Variants in PLA2G4C observed in about 807,000 individuals in gnomAD.
The protein encoded by PLA2G4C is cytosolic phospholipase A2 gamma.
Under a neutral mutation model 73.8 loss-of-function variants are expected in PLA2G4C, and 64 were observed. The observed-to-expected ratio is 0.87, with a 90% CI of 0.71 to 1.07. The LOEUF is 1.07. Ranked by LOEUF, PLA2G4C falls within the 50% of genes least tolerant of loss-of-function variation. PLA2G4C has a pLI of 0.00. For synonymous variants in PLA2G4C, 254 were observed against 252.1 expected (o/e 1.01, Z -0.07); for missense variants, 622 against 665.4 (o/e 0.93, Z 0.72).
chr19:48,052,387 T>C (rs1967760280), intron 16 of PLA2G4C: 1 of 152,230 alleles, frequency 6.6e-6, no homozygotes, highest in Non-Finnish European at 1.5e-5. Flanking sequence ...GGAGTTCTCA[T>C]GAAATCCGGT....
At chr19:48,081,372 G>T (rs1600211519) in intron 10 of PLA2G4C, among the ~76,000 whole-genome samples, 2 of 152,136 alleles carry the variant, frequency 1.3e-5, no homozygotes, top group Non-Finnish European at 2.9e-5. Context: ...CTTATAAGTG[G>T]GAGCTAAGCT....
At chr19:48,058,192 G>A (rs1968030752) in intron 14 of PLA2G4C, among the ~76,000 whole-genome samples, 1 of 152,090 alleles carries the variant, frequency 6.6e-6, no homozygotes. Flanking sequence ...CTAGCTACTT[G>A]TGAGGCTGAG....
At position 48,050,185 on chromosome 19, in the gene PLA2G4C, G is replaced by A. The variant is rs113156270; in HGVS notation, c.1581-1797C>T. On this transcript the variant is annotated intron_variant, in intron 16 of 16. Transcript: ENST00000599921. The stretch of plus-strand genomic sequence containing the variant: ...TCTGCCCACCTCGGCCTCCCAAAGT[G>A]CTGGGATTACAGGTGTGAACCACCA... Among the ~76,000 whole-genome samples, 243 of 152,260 alleles carry A rather than the reference G, an allele frequency of 1.6e-3. 1 individual carries two copies. The highest frequency in any genetic ancestry group is 5.3e-3 in the African/African-American group (222 of 41,542).
At chr19:48,097,917 C>T (rs544853147) in intron 6 of PLA2G4C, 1 of 435,912 alleles carries the variant, frequency 2.3e-6, no homozygotes, top group Admixed American at 4.3e-5. Flanking sequence ...CCATGTTGGC[C>T]TCTTAAAGGT....
At chr19:48,106,346 G>A (rs187223819) in intron 2 of PLA2G4C, among the ~76,000 whole-genome samples, 176 bp downstream of exon 2, 25 of 152,228 alleles carry the variant, frequency 1.6e-4, no homozygotes, top group African/African-American at 5.1e-4. Context: ...TCTTGCCTCG[G>A]CCACCAAAAG....
At chr19:48,094,028 T>C (rs2031446544) in intron 7 of PLA2G4C, among the ~76,000 whole-genome samples, 3 of 152,184 alleles carry the variant, frequency 2.0e-5, no homozygotes. Flanking sequence ...ACCTCCTTTG[T>C]CTACAAATTA....
chr19:48,069,940 T>C (rs1374277782), intron 12 of PLA2G4C, among the ~76,000 whole-genome samples: 2 of 152,070 alleles, frequency 1.3e-5, no homozygotes, highest in Non-Finnish European at 2.9e-5. Flanking sequence ...AAATATTTTT[T>C]TGTATTTGTA....
At chr19:48,050,673 C>CTTTTTTTGTTTTTTTTTTTTTTTTTTTT (rs1967691177) in intron 16 of PLA2G4C, among the ~76,000 whole-genome samples, 1 of 78,746 alleles carries the variant, frequency 1.3e-5, no homozygotes, top group African/African-American at 4.3e-5. Context: ...GAGTATGTGA[C>CTTTTTTTGTTTTTTTTTTTTTTTTTTTT]TTTTTTTTTT....
At chr19:48,084,139 A>G (rs1232882574) in intron 10 of PLA2G4C, among the ~76,000 whole-genome samples, 1 of 151,062 alleles carries the variant, frequency 6.6e-6, no homozygotes, top group African/African-American at 2.4e-5. Context: ...AGCTCACTGC[A>G]GCCTTTGCCT....
At chr19:48,088,962 T>C (rs1011855364) in intron 8 of PLA2G4C, among the ~76,000 whole-genome samples, 2 of 152,228 alleles carry the variant, frequency 1.3e-5, no homozygotes, top group Non-Finnish European at 2.9e-5. Flanking sequence ...TGGCAAACAC[T>C]ACATATCAGG....
chr19:48,068,444 A>G (rs1388689753), intron 12 of PLA2G4C, among the ~76,000 whole-genome samples: 1 of 151,996 alleles, frequency 6.6e-6, no homozygotes, highest in Non-Finnish European at 1.5e-5. Flanking sequence ...GGACTTAGGG[A>G]AGCCGAGGTG....
intron 12 of PLA2G4C, 124 bp downstream of exon 12, chr19:48,074,643 G>A (rs987130276): frequency 2.7e-6 from 2 of 728,698 alleles, no homozygotes; most frequent in African/African-American, 1.7e-5. Flanking sequence ...TATCCAAACT[G>A]TACCAGTGGG....
At chr19:48,067,144 T>C (rs2122511831) in intron 13 of PLA2G4C, among the ~76,000 whole-genome samples, 1 of 150,782 alleles carries the variant, frequency 6.6e-6, no homozygotes, top group East Asian at 1.9e-4. Context: ...GTCAGTCCCC[T>C]GAAGGGAAAA....
Position 48,074,869 on chromosome 19 carries a change from C to T in PLA2G4C, c.904G>A (p.Gly302Ser). The change falls in exon 12 of 17, where the codon GGC becomes AGC. Residue 302 changes from glycine (G) to serine (S), a missense_variant. Coordinates refer to ENST00000599921, the MANE Select transcript of PLA2G4C (RefSeq NM_003706.3). ...AGCCAGGTGTGTTCAGGCTCACCGCCTTCATCTACGTCAAGAAATCCAGGT... is the reference window on the plus strand; with the variant it reads ...AGCCAGGTGTGTTCAGGCTCACCGCTTTCATCTACGTCAAGAAATCCAGGT... ...QGEHPPPEDE[G>S]GEPEHTWLTE... 1.3e-6 allele frequency: 2 copies of T among 1,598,436 alleles called. No individual in the cohort carries two copies. Among genetic ancestry groups the T allele is most frequent in the African/African-American group, 2.7e-5 (2 of 74,616 alleles).
intron 10 of PLA2G4C, among the ~76,000 whole-genome samples, chr19:48,078,551 T>C (rs2122565711): frequency 6.6e-6 from 1 of 152,278 alleles, no homozygotes; most frequent in African/African-American, 2.4e-5. Flanking sequence ...ACACAAACAG[T>C]AGCACTGCTA....
At chr19:48,067,613 G>T (rs1235054584) in intron 13 of PLA2G4C, among the ~76,000 whole-genome samples, 178 bp downstream of exon 13, 2 of 152,098 alleles carry the variant, frequency 1.3e-5, no homozygotes, top group African/African-American at 4.8e-5. Context: ...TTTTCAGTAT[G>T]GACCACACCA....
chr19:48,109,088 G>A (rs1294674012), intron 1 of PLA2G4C, among the ~76,000 whole-genome samples: 1 of 152,132 alleles, frequency 6.6e-6, no homozygotes, highest in Non-Finnish European at 1.5e-5. Flanking sequence ...AATCTAGCCT[G>A]TGAGGTTAGA....
intron 10 of PLA2G4C, among the ~76,000 whole-genome samples, chr19:48,078,093 TG>T (rs1296472652): frequency 1.3e-4 from 20 of 152,128 alleles, no homozygotes; most frequent in African/African-American, 4.8e-4. Flanking sequence ...AGTCAACAAA[TG>T]TGATATATCA....
chr19:48,080,735 C>T (rs907687880), intron 10 of PLA2G4C, among the ~76,000 whole-genome samples: 11 of 149,286 alleles, frequency 7.4e-5, no homozygotes, highest in African/African-American at 2.7e-4. Flanking sequence ...CTTGAACCCA[C>T]GAGTTGGAGG....
Sources: allele counts gnomAD v4.1 joint callset (sites outside exome capture counted in the v4.1 genomes callset), GRCh38; gene constraint gnomAD v4.1.1; transcripts MANE v1.5; gene names NCBI Gene and HGNC (gene_info 2026-07-23, HGNC 2026-07-21).